Variants in PGAP1 observed in about 807,000 individuals in gnomAD.
PGAP1 encodes the protein GPI inositol-deacylase.
In PGAP1, 76 loss-of-function variants were observed where a neutral mutation model predicts 127.0. The observed-to-expected ratio is 0.60, with a 90% CI of 0.50 to 0.72. The LOEUF (loss-of-function observed/expected upper bound fraction) is 0.72. Among genes scored for constraint, PGAP1 ranks in the 30% least tolerant of loss-of-function variants. PGAP1 has a pLI of 0.00. For missense variants in PGAP1, 982 were observed against 1,071.3 expected (o/e 0.92, Z 1.16); for synonymous variants, 362 against 366.5 (o/e 0.99, Z 0.14).
intron 13 of PGAP1, among the ~76,000 whole-genome samples, chr2:196,876,193 T>C (rs560877559): frequency 2.0e-5 from 3 of 152,254 alleles, no homozygotes; most frequent in South Asian, 2.1e-4. Context: ...AGATACTATG[T>C]CTCTTAATAC....
At chr2:196,923,421 A>C (rs1422709049) in intron 1 of PGAP1, among the ~76,000 whole-genome samples, 2 of 152,128 alleles carry the variant, frequency 1.3e-5, no homozygotes, top group Non-Finnish European at 2.9e-5. Flanking sequence ...AGCTCTGTAC[A>C]TACTCTCTTA....
intron 3 of PGAP1, among the ~76,000 whole-genome samples, chr2:196,913,729 G>A (rs1386547449): frequency 6.6e-6 from 1 of 152,176 alleles, no homozygotes; most frequent in Non-Finnish European, 1.5e-5. Flanking sequence ...ATCTTGTGCA[G>A]AAGAGTTAAC....
chr2:196,878,486 C>A (rs1282086048), intron 13 of PGAP1, among the ~76,000 whole-genome samples: 1 of 152,082 alleles, frequency 6.6e-6, no homozygotes, highest in Non-Finnish European at 1.5e-5. Flanking sequence ...ATGAGTATCC[C>A]CACCTGTCAG....
chr2:196,887,521 TAA>T (rs1165347161), intron 10 of PGAP1, among the ~76,000 whole-genome samples: 1 of 152,154 alleles, frequency 6.6e-6, no homozygotes, highest in African/African-American at 2.4e-5. Flanking sequence ...TACCAAGACA[TAA>T]GAGGATGAGA....
intron 4 of PGAP1, 114 bp from the exon 5 acceptor site, chr2:196,902,856 T>C: frequency 1.5e-6 from 1 of 672,894 alleles, no homozygotes; most frequent in South Asian, 2.5e-5. Flanking sequence ...TCATTTCATC[T>C]ATAAACAGTT....
chr2:196,924,332 G>C (rs1403947564), intron 1 of PGAP1, among the ~76,000 whole-genome samples: 2 of 152,112 alleles, frequency 1.3e-5, no homozygotes, highest in African/African-American at 4.8e-5. Flanking sequence ...AACAATTAGA[G>C]AGCTGACTAT....
At chr2:196,844,102 A>C in intron 24 of PGAP1, 27 bp from the exon 25 acceptor site, 1 of 1,357,298 alleles carries the variant, frequency 7.4e-7, no homozygotes, top group Non-Finnish European at 1.0e-6. Context: ...TAGAAATATC[A>C]AGACACTAAA....
chr2:196,912,799 C>T (rs1702874327), intron 4 of PGAP1, 83 bp downstream of exon 4: 5 of 1,316,806 alleles, frequency 3.8e-6, no homozygotes, highest in Non-Finnish European at 5.2e-6. Context: ...CTGTAGCATA[C>T]TCCTAGGGGA....
rs942113507 is a variant in PGAP1 at position 196,840,729 on chromosome 2, AGGCTTTCTGT to A, written c.*495_*504del. The A allele has an allele frequency of 1.3e-5, 2 of 152,248 alleles. No individual in the cohort carries two copies. The highest frequency in any genetic ancestry group is 4.8e-5 in the African/African-American group (2 of 41,446). 9.4% of individuals were successfully genotyped at this position (152,248 alleles called of 1,614,324 possible). ...ATGGTGGCTGCCAAAAACTAACCAA[AGGCTTTCTGT>A]GGCTATTTAACCTTTGAGAAACCAA... is the stretch of plus-strand genomic sequence containing the variant. On this transcript the variant is annotated 3_prime_UTR_variant, in exon 27 of 27. Coordinates refer to ENST00000354764, the MANE Select transcript of PGAP1 (RefSeq NM_024989.4).
At chr2:196,899,483 G>A (rs1381257274) in intron 5 of PGAP1, among the ~76,000 whole-genome samples, 1 of 152,148 alleles carries the variant, frequency 6.6e-6, no homozygotes, top group African/African-American at 2.4e-5. Context: ...GTTCACTGTC[G>A]TTCTTAAATT....
intron 12 of PGAP1, among the ~76,000 whole-genome samples, chr2:196,881,392 G>A (rs555278084): frequency 2.6e-5 from 4 of 152,264 alleles, no homozygotes; most frequent in African/African-American, 4.8e-5. Context: ...CCAGTAATGG[G>A]ATTACTAGGT....
intron 20 of PGAP1, among the ~76,000 whole-genome samples, chr2:196,854,572 T>C (rs1401024281): frequency 6.6e-6 from 1 of 152,214 alleles, no homozygotes; most frequent in African/African-American, 2.4e-5. Flanking sequence ...CTGTCAGTCA[T>C]GATTCTAGGT....
chr2:196,865,098 C>A lies in PGAP1; in HGVS notation c.1768-18G>T. 7.5e-7 allele frequency: 1 copy of A among 1,340,850 alleles called. No individual in the cohort carries two copies. The highest frequency in any genetic ancestry group is 2.5e-5 in the East Asian group (1 of 39,866). The allele number at this position is 1,340,850 out of a possible 1,614,324, so 83.1% of individuals were successfully genotyped here. On this transcript the variant is annotated intron_variant, in intron 19 of 26. Coordinates refer to ENST00000354764, the MANE Select transcript of PGAP1 (RefSeq NM_024989.4). The stretch of plus-strand genomic sequence containing the variant: ...CTAACTACCTAAAAAACAGGTAAGT[C>A]AATGGGCAACTCCTGAATATTCATG...
At chr2:196,878,243 A>G (rs1701625237) in intron 13 of PGAP1, among the ~76,000 whole-genome samples, 2 of 152,190 alleles carry the variant, frequency 1.3e-5, no homozygotes, top group South Asian at 2.1e-4. Context: ...ACATAATCAC[A>G]TATCTTGGGG....
intron 12 of PGAP1, among the ~76,000 whole-genome samples, chr2:196,884,759 C>A (rs1027029331): frequency 1.3e-5 from 2 of 152,162 alleles, no homozygotes; most frequent in African/African-American, 4.8e-5. Flanking sequence ...TGAAAACTAT[C>A]AATCCGGATA....
intron 6 of PGAP1, among the ~76,000 whole-genome samples, chr2:196,897,982 C>T (rs1702342577): frequency 6.6e-6 from 1 of 152,114 alleles, no homozygotes; most frequent in African/African-American, 2.4e-5. Flanking sequence ...CTTTGGGAGG[C>T]CAATGTGGGT....
At chr2:196,884,831 A>C (rs571797484) in intron 12 of PGAP1, among the ~76,000 whole-genome samples, 3 of 152,338 alleles carry the variant, frequency 2.0e-5, no homozygotes, top group African/African-American at 7.2e-5. Flanking sequence ...ATCACATTTT[A>C]GGATTATTTT....
At chr2:196,904,823 T>C (rs948059119) in intron 4 of PGAP1, among the ~76,000 whole-genome samples, 4 of 152,114 alleles carry the variant, frequency 2.6e-5, no homozygotes, top group African/African-American at 7.2e-5. Context: ...TTAGCCTTCA[T>C]ACTTCTCACC....
chr2:196,854,811 T>A (rs1700826864), intron 20 of PGAP1, among the ~76,000 whole-genome samples: 1 of 152,146 alleles, frequency 6.6e-6, no homozygotes, highest in Non-Finnish European at 1.5e-5. Context: ...AGGGTCTCAC[T>A]CTGTTGCCCA....
Sources: allele counts gnomAD v4.1 joint callset (sites outside exome capture counted in the v4.1 genomes callset), GRCh38; gene constraint gnomAD v4.1.1; transcripts MANE v1.5; gene names NCBI Gene and HGNC (gene_info 2026-07-23, HGNC 2026-07-21).